REDIC1: variants seen among roughly 807,000 people sequenced by gnomAD.
REDIC1 encodes the protein HEI10 Interacting Protein 1.
the REDIC1 span, among the ~76,000 whole-genome samples, chr12:39,703,485 A>G: frequency 2.0e-5 from 3 of 151,378 alleles, no homozygotes; most frequent in Middle Eastern, 6.8e-3. Context: ...GGAAGAATCA[A>G]TATCGTGAAA....
At chr12:39,632,239 G>A in the REDIC1 span, among the ~76,000 whole-genome samples, 1 of 151,822 alleles carries the variant, frequency 6.6e-6, no homozygotes, top group Non-Finnish European at 1.5e-5. Context: ...TGGGATTACA[G>A]GTACCCGACC....
At chr12:39,689,247 A>C in the REDIC1 span, among the ~76,000 whole-genome samples, 1 of 152,230 alleles carries the variant, frequency 6.6e-6, no homozygotes, top group Admixed American at 6.5e-5. Flanking sequence ...GGGTCTCTGA[A>C]TCACTACATG....
chr12:39,709,221 T>TA, the REDIC1 span, among the ~76,000 whole-genome samples: 2 of 90,228 alleles, frequency 2.2e-5, no homozygotes, highest in African/African-American at 6.9e-5. Context: ...GGCTTAGACT[T>TA]ATGTGTTTTT....
chr12:39,684,506 T>TC, the REDIC1 span, among the ~76,000 whole-genome samples: 1 of 152,220 alleles, frequency 6.6e-6, no homozygotes, highest in African/African-American at 2.4e-5. Context: ...ACAAAACATT[T>TC]CATAAAATTG....
chr12:39,665,084 C>A, the REDIC1 span, among the ~76,000 whole-genome samples: 1 of 151,996 alleles, frequency 6.6e-6, no homozygotes, highest in African/African-American at 2.4e-5. Context: ...TAATTAGATC[C>A]CATTTGTCAA....
the REDIC1 span, among the ~76,000 whole-genome samples, chr12:39,806,675 A>G: frequency 6.6e-6 from 1 of 152,228 alleles, no homozygotes; most frequent in African/African-American, 2.4e-5. Flanking sequence ...TATTTTAGAC[A>G]GTATACAGAA....
chr12:39,701,487 A>G, the REDIC1 span, among the ~76,000 whole-genome samples: 2 of 152,194 alleles, frequency 1.3e-5, no homozygotes, highest in Admixed American at 1.3e-4. Flanking sequence ...CACATTAATA[A>G]TGGGAGACTT....
the REDIC1 span, among the ~76,000 whole-genome samples, chr12:39,886,417 CA>C: frequency 6.6e-6 from 1 of 151,138 alleles, no homozygotes; most frequent in South Asian, 2.1e-4. Flanking sequence ...CAGCTGACAG[CA>C]AAAAAAATCT....
chr12:39,676,842 A>C, the REDIC1 span, among the ~76,000 whole-genome samples: 2 of 152,140 alleles, frequency 1.3e-5, no homozygotes, highest in African/African-American at 4.8e-5. Context: ...AGGATTTTCT[A>C]TCCATTGAAA....
chr12:39,730,064 G>T, the REDIC1 span, among the ~76,000 whole-genome samples: 2 of 152,148 alleles, frequency 1.3e-5, no homozygotes, highest in Admixed American at 6.5e-5. Context: ...TTGCAGGTGG[G>T]ATCAGTCTCC....
the REDIC1 span, among the ~76,000 whole-genome samples, chr12:39,773,112 A>C: frequency 6.6e-6 from 1 of 152,260 alleles, no homozygotes; most frequent in Non-Finnish European, 1.5e-5. Flanking sequence ...GAAAAGGAAC[A>C]AAAATACTTT....
At chr12:39,646,977 A>T in the REDIC1 span, 7 of 884,234 alleles carry the variant, frequency 7.9e-6, no homozygotes, top group Middle Eastern at 2.4e-4. Context: ...GGAGAAAATT[A>T]TTTTAAAGAA....
At chr12:39,706,437 C>T in the REDIC1 span, among the ~76,000 whole-genome samples, 27 of 152,026 alleles carry the variant, frequency 1.8e-4, no homozygotes, top group African/African-American at 6.5e-4. Flanking sequence ...ACATTATTAA[C>T]AGAAATTGAA....
the REDIC1 span, among the ~76,000 whole-genome samples, chr12:39,887,675 A>G: frequency 2.6e-5 from 4 of 152,174 alleles, no homozygotes; most frequent in African/African-American, 9.7e-5. Flanking sequence ...TAGTTATTCT[A>G]ATTCCATGAG....
At chr12:39,659,274 A>C in the REDIC1 span, among the ~76,000 whole-genome samples, 2 of 151,844 alleles carry the variant, frequency 1.3e-5, no homozygotes. Context: ...TCTTTGATTA[A>C]GATATTAATT....
the REDIC1 span, among the ~76,000 whole-genome samples, chr12:39,860,009 C>T: frequency 6.6e-6 from 1 of 152,056 alleles, no homozygotes; most frequent in African/African-American, 2.4e-5. Context: ...AAACCATGTC[C>T]TTGGTCCAAA....
the REDIC1 span, among the ~76,000 whole-genome samples, chr12:39,858,063 T>C: frequency 6.6e-6 from 1 of 152,242 alleles, no homozygotes; most frequent in East Asian, 1.9e-4. Context: ...TAAAAAGTTA[T>C]GGCGAACTCA....
the REDIC1 span, among the ~76,000 whole-genome samples, chr12:39,714,054 TAC>T: frequency 1.1e-4 from 1 of 9,002 alleles, no homozygotes; most frequent in Admixed American, 1.5e-3. Flanking sequence ...CACATGTATA[TAC>T]ACGTATGTGT....
At chr12:39,684,608 A>G in the REDIC1 span, among the ~76,000 whole-genome samples, 3 of 152,220 alleles carry the variant, frequency 2.0e-5, no homozygotes, top group African/African-American at 7.2e-5. Flanking sequence ...AATGTACCTT[A>G]TGAAAGCAAT....
Sources: gnomAD v4.1 joint callset for allele counts (sites outside exome capture counted in the v4.1 genomes callset) on GRCh38, gnomAD v4.1.1 for gene constraint, MANE v1.5 for transcripts, NCBI Gene and HGNC (gene_info 2026-07-23, HGNC 2026-07-21) for gene names.